HCN1: variants seen among roughly 807,000 people sequenced by gnomAD.
HCN1 encodes the protein potassium/sodium hyperpolarization-activated cyclic nucleotide-gated channel 1.
HCN1 carries 13 observed loss-of-function variants against 78.9 expected under a neutral mutation model. That is an observed-to-expected ratio of 0.16 (90% CI 0.11 to 0.26). The LOEUF is 0.26. HCN1 is among the 10% of genes least tolerant of loss of function. HCN1 has a pLI of 1.00. For synonymous variants in HCN1, 552 were observed against 455.5 expected, an observed-to-expected ratio of 1.21 and a Z score of -2.70; for missense variants, 810 against 1,154.3, an observed-to-expected ratio of 0.70 and a Z score of 4.32.
chr5:45,372,852 T>C (rs543089326), intron 4 of HCN1, among the ~76,000 whole-genome samples: 2 of 143,828 alleles, frequency 1.4e-5, no homozygotes, highest in South Asian at 4.3e-4. Flanking sequence ...TATGTTCGTA[T>C]TCTATACACA....
At chr5:45,620,451 C>G (rs1171992686) in intron 2 of HCN1, among the ~76,000 whole-genome samples, 1 of 151,728 alleles carries the variant, frequency 6.6e-6, no homozygotes, top group Non-Finnish European at 1.5e-5. Flanking sequence ...TTTTACTATT[C>G]TATAAATCTA....
intron 2 of HCN1, among the ~76,000 whole-genome samples, chr5:45,603,516 T>A (rs1744666818): frequency 6.6e-6 from 1 of 152,084 alleles, no homozygotes; most frequent in Non-Finnish European, 1.5e-5. Context: ...GGAGCTTTTT[T>A]AATTTAATAT....
chr5:45,428,163 C>T (rs1204628296), intron 3 of HCN1, among the ~76,000 whole-genome samples: 2 of 151,862 alleles, frequency 1.3e-5, no homozygotes, highest in Non-Finnish European at 2.9e-5. Flanking sequence ...GAATGCAAAG[C>T]ACCTGGCATA....
At position 45,257,022 on chromosome 5, in the gene HCN1, C is replaced by G. The variant is rs1167735847; in HGVS notation, c.*4899G>C. 3 of 152,212 alleles carry G rather than the reference C, an allele frequency of 2.0e-5. No individual in the cohort carries two copies. The highest frequency in any genetic ancestry group is 2.9e-5 in the Non-Finnish European group (2 of 68,046). The allele number at this position is 152,212 out of a possible 1,614,324, so 9.4% of individuals were successfully genotyped here. On this transcript the variant is annotated 3_prime_UTR_variant, in exon 8 of 8. Transcript: ENST00000303230. ...AACTTTCAGTTTCCTATTCCCATTACTCTATTTAGCAAACCTAGGACCTTC... is the reference window on the plus strand; with the variant it reads ...AACTTTCAGTTTCCTATTCCCATTAGTCTATTTAGCAAACCTAGGACCTTC...
At chr5:45,324,228 A>C (rs1281067408) in intron 5 of HCN1, among the ~76,000 whole-genome samples, 1 of 151,814 alleles carries the variant, frequency 6.6e-6, no homozygotes, top group Non-Finnish European at 1.5e-5. Context: ...AACCTACAGA[A>C]TGGGAGAAAA....
chr5:45,318,426 G>A (rs1404752472), intron 5 of HCN1, among the ~76,000 whole-genome samples: 1 of 151,990 alleles, frequency 6.6e-6, no homozygotes, highest in Non-Finnish European at 1.5e-5. Context: ...GGGTGGGGGA[G>A]GGAGGAAGGA....
At chr5:45,392,985 C>G (rs1348315642) in intron 4 of HCN1, among the ~76,000 whole-genome samples, 1 of 151,998 alleles carries the variant, frequency 6.6e-6, no homozygotes, top group Non-Finnish European at 1.5e-5. Flanking sequence ...GTATCTTGTG[C>G]CCTGCCATTA....
intron 6 of HCN1, among the ~76,000 whole-genome samples, chr5:45,273,306 G>A (rs948924818): frequency 4.0e-5 from 6 of 151,442 alleles, no homozygotes; most frequent in Non-Finnish European, 5.9e-5. Flanking sequence ...TGGGAGACTA[G>A]ATTTGGCCTA....
intron 2 of HCN1, among the ~76,000 whole-genome samples, chr5:45,611,960 T>C (rs1744846935): frequency 6.6e-6 from 1 of 152,156 alleles, no homozygotes. Flanking sequence ...CTTATAAATA[T>C]GTATGTTGCC....
chr5:45,525,347 T>C (rs1344785660), intron 2 of HCN1, among the ~76,000 whole-genome samples: 2 of 152,000 alleles, frequency 1.3e-5, no homozygotes, highest in South Asian at 2.1e-4. Flanking sequence ...CTTTGTAAGA[T>C]ATTAGACTTG....
intron 5 of HCN1, among the ~76,000 whole-genome samples, chr5:45,331,136 C>A (rs1746335196): frequency 6.6e-6 from 1 of 151,200 alleles, no homozygotes. Context: ...AACAGGTAGA[C>A]ATGGCTCACA....
chr5:45,554,733 A>T (rs1333252575), intron 2 of HCN1, among the ~76,000 whole-genome samples: 1 of 151,828 alleles, frequency 6.6e-6, no homozygotes, highest in Non-Finnish European at 1.5e-5. Flanking sequence ...GCCCATGAAT[A>T]ATCAGTGTAT....
At chr5:45,467,463 A>G (rs1741296717) in intron 2 of HCN1, among the ~76,000 whole-genome samples, 1 of 152,086 alleles carries the variant, frequency 6.6e-6, no homozygotes, top group Admixed American at 6.6e-5. Flanking sequence ...CCATTTATTA[A>G]GGGCTCTGTC....
rs941392755 is a variant in HCN1, at chr5:45,681,482, C to T, written c.425+14187G>A. 3.3e-5 allele frequency among the ~76,000 whole-genome samples: 5 copies of T among 151,940 alleles called. No individual in the cohort carries two copies. The East Asian group carries it at 9.7e-4, about 29-fold the overall frequency. On this transcript the variant is annotated intron_variant, in intron 1 of 7. Coordinates refer to ENST00000303230, the MANE Select transcript of HCN1 (RefSeq NM_021072.4). ...GATATATTTTCTATTTACACAAGGG[C>T]TAATTTAACACTGCTCACTCAGGAC...
chr5:45,571,701 A>C, intron 2 of HCN1, among the ~76,000 whole-genome samples: 1 of 152,100 alleles, frequency 6.6e-6, no homozygotes, highest in East Asian at 1.9e-4. Context: ...GATCACCTGA[A>C]GTCAGTAGTT....
chr5:45,661,292 C>A lies in HCN1; in HGVS notation c.426-15684G>T, dbSNP rs1260673077. ...ACACCACATACCAGAATCTCTGGGACGCATTCAAAGCAGTGTGTAGAGGGA... is the reference window on the plus strand; with the variant it reads ...ACACCACATACCAGAATCTCTGGGAAGCATTCAAAGCAGTGTGTAGAGGGA... On this transcript the variant is annotated intron_variant, in intron 1 of 7. Coordinates refer to ENST00000303230, the MANE Select transcript of HCN1 (RefSeq NM_021072.4). Among the ~76,000 whole-genome samples, 3 of 124,818 alleles carry A rather than the reference C, an allele frequency of 2.4e-5. No homozygotes were observed. The South Asian group carries it at 9.9e-4, about 41-fold the overall frequency. The allele number at this position is 124,818 out of a possible 152,430, so 81.9% of individuals were successfully genotyped here. A position where few individuals can be genotyped will look rare whatever the true frequency, so the allele number is the denominator to read the frequency against.
intron 5 of HCN1, among the ~76,000 whole-genome samples, chr5:45,308,727 G>A (rs867674020): frequency 6.6e-6 from 1 of 151,986 alleles, no homozygotes; most frequent in South Asian, 2.1e-4. Flanking sequence ...TGTTCTATGA[G>A]TCTGTTCTTG....
At chr5:45,607,916 T>C (rs1184541793) in intron 2 of HCN1, among the ~76,000 whole-genome samples, 11 of 151,712 alleles carry the variant, frequency 7.3e-5, no homozygotes, top group South Asian at 4.1e-4. Flanking sequence ...ATAATAATAC[T>C]GGTCATAAAG....
Position 45,356,274 on chromosome 5 carries a change from CAT to C in HCN1, c.1231-3030_1231-3029del, listed in dbSNP as rs371993236. ...GGATGCCAATACAATTCTTTGGAAA[CAT>C]AAGATCAAAAGTTTATTCCATCAGA... On this transcript the variant is annotated intron_variant, in intron 4 of 7. Transcript: ENST00000303230. Among the ~76,000 whole-genome samples the C allele has an allele frequency of 3.0e-3, 453 of 151,948 alleles. 2 individuals carry two copies. Among genetic ancestry groups the C allele is most frequent in the African/African-American group, 0.01 (429 of 41,524 alleles).
Sources: allele counts gnomAD v4.1 joint callset (sites outside exome capture counted in the v4.1 genomes callset), GRCh38; gene constraint gnomAD v4.1.1; transcripts MANE v1.5; gene names NCBI Gene and HGNC (gene_info 2026-07-23, HGNC 2026-07-21).